The following AGBL1 variants were observed in gnomAD, a reference collection of about 807,000 sequenced individuals.
The protein encoded by AGBL1 is AGBL carboxypeptidase 1.
A neutral mutation model predicts 118.9 loss-of-function variants in AGBL1; 130 were observed. The observed-to-expected ratio is 1.09, with a 90% CI of 0.95 to 1.26. The LOEUF (loss-of-function observed/expected upper bound fraction) is 1.26. Among genes scored for constraint, AGBL1 ranks in the 50% most tolerant of loss-of-function variants. The pLI, the probability that AGBL1 is intolerant of heterozygous loss-of-function variation, is 0.00. For synonymous variants in AGBL1, 555 were observed against 478.9 expected, an observed-to-expected ratio of 1.16 and a Z score of -2.08; for missense variants, 1,584 against 1,298.1, an observed-to-expected ratio of 1.22 and a Z score of -3.38.
chr15:86,300,642 T>G (rs1175916907), intron 17 of AGBL1, among the ~76,000 whole-genome samples: 4 of 152,166 alleles, frequency 2.6e-5, no homozygotes, highest in Non-Finnish European at 5.9e-5. Flanking sequence ...AGCATAACCT[T>G]TCTATGTTTC....
At chr15:87,015,144 C>T (rs2081597086) in intron 24 of AGBL1, among the ~76,000 whole-genome samples, 1 of 152,156 alleles carries the variant, frequency 6.6e-6, no homozygotes, top group African/African-American at 2.4e-5. Flanking sequence ...AAGCTTTGAA[C>T]TCTGAAACCT....
intron 22 of AGBL1, among the ~76,000 whole-genome samples, chr15:86,863,686 T>C (rs545101948): frequency 1.3e-5 from 2 of 152,168 alleles, no homozygotes; most frequent in Non-Finnish European, 2.9e-5. Context: ...GTAGCAAGCA[T>C]TTCATATTGT....
At chr15:86,845,856 C>T (rs1439104425) in intron 22 of AGBL1, among the ~76,000 whole-genome samples, 1 of 151,962 alleles carries the variant, frequency 6.6e-6, no homozygotes, top group Non-Finnish European at 1.5e-5. Flanking sequence ...TCTCTCAATC[C>T]TCTCTCATAA....
intron 17 of AGBL1, among the ~76,000 whole-genome samples, chr15:86,380,961 C>G (rs2141960385): frequency 6.7e-6 from 1 of 149,818 alleles, no homozygotes; most frequent in East Asian, 2.0e-4. Flanking sequence ...TGTGTGTGTA[C>G]CAGTCACTGT....
At position 86,289,661 on chromosome 15, in the gene AGBL1, G is replaced by A. The variant is rs564034347; in HGVS notation, c.2221-5594G>A. 5.9e-5 allele frequency among the ~76,000 whole-genome samples: 9 copies of A among 152,028 alleles called. No individual in the cohort carries two copies. The South Asian group carries it at 6.3e-4, about 11-fold the overall frequency. ...CTTGGCTCATGGTACCTCCCTCCAC[G>A]TTCAAAGCCAAAAATTGCATGCCTC... On this transcript the variant is annotated intron_variant, in intron 16 of 22. Transcript: ENST00000614907.
At chr15:86,627,923 C>A (rs16977879) in intron 21 of AGBL1, among the ~76,000 whole-genome samples, 40,005 of 152,106 alleles carry the variant, frequency 0.26, 5,687 homozygotes, top group East Asian at 0.42. Context: ...AACACAGCGT[C>A]CTGCCCATCA....
chr15:86,984,823 G>A (rs979726672), intron 23 of AGBL1, among the ~76,000 whole-genome samples: 2 of 152,092 alleles, frequency 1.3e-5, no homozygotes, highest in African/African-American at 4.8e-5. Flanking sequence ...ACAGTGCAAT[G>A]AGTTTTGACA....
At chr15:86,781,027 T>C (rs1368214415) in intron 22 of AGBL1, among the ~76,000 whole-genome samples, 3 of 152,188 alleles carry the variant, frequency 2.0e-5, no homozygotes, top group African/African-American at 7.2e-5. Context: ...TTTTTATTAA[T>C]TTAATTTATT....
intron 18 of AGBL1, among the ~76,000 whole-genome samples, chr15:86,398,856 G>A (rs2081404597): frequency 6.6e-6 from 1 of 152,026 alleles, no homozygotes; most frequent in Non-Finnish European, 1.5e-5. Context: ...CCAGGTTAAA[G>A]GAAAGCAAAT....
chr15:86,581,925 T>C (rs1253924093), intron 21 of AGBL1, among the ~76,000 whole-genome samples: 4 of 152,180 alleles, frequency 2.6e-5, no homozygotes, highest in African/African-American at 9.7e-5. Context: ...TATGGATATA[T>C]GACAGGCATG....
rs141227307 is a variant in AGBL1 at position 86,122,053 on chromosome 15, A to C, written c.52-19951A>C. On this transcript the variant is annotated intron_variant, in intron 1 of 22. Coordinates refer to ENST00000614907, the MANE Select transcript of AGBL1 (RefSeq NM_001386094.1). ...ACAGCCCATCATACCTAATTACTAC[A>C]CACATTTGCGTTTGAATGTGCGCTC... 5.5e-3 allele frequency among the ~76,000 whole-genome samples: 830 copies of C among 152,242 alleles called. 8 individuals carry two copies. The highest frequency in any genetic ancestry group is 0.018 in the African/African-American group (762 of 41,528).
intron 18 of AGBL1, among the ~76,000 whole-genome samples, chr15:86,476,701 G>T (rs1253522867): frequency 5.3e-5 from 8 of 152,112 alleles, no homozygotes; most frequent in Non-Finnish European, 8.8e-5. Flanking sequence ...GGATATCCAG[G>T]AATTGAACTC....
chr15:86,245,631 G>A (rs1185396041), intron 6 of AGBL1, among the ~76,000 whole-genome samples: 2 of 152,158 alleles, frequency 1.3e-5, no homozygotes, highest in African/African-American at 2.4e-5. Context: ...TTCTTCCTCT[G>A]TTTTAAGTCC....
At chr15:86,844,798 A>T (rs1451414600) in intron 22 of AGBL1, among the ~76,000 whole-genome samples, 1 of 152,034 alleles carries the variant, frequency 6.6e-6, no homozygotes, top group African/African-American at 2.4e-5. Flanking sequence ...AAGTAATGAA[A>T]ATTTTGTCCT....
intron 24 of AGBL1, among the ~76,000 whole-genome samples, chr15:87,016,557 A>C (rs947559433): frequency 3.3e-5 from 5 of 152,232 alleles, no homozygotes; most frequent in Admixed American, 3.3e-4. Flanking sequence ...CAAGATGGCC[A>C]ATTAAAAGCA....
intron 23 of AGBL1, among the ~76,000 whole-genome samples, chr15:86,954,258 A>C (rs1055052959): frequency 6.6e-6 from 1 of 152,316 alleles, no homozygotes; most frequent in East Asian, 1.9e-4. Context: ...AGAGCTTAAA[A>C]TAGAGGTACC....
intron 17 of AGBL1, among the ~76,000 whole-genome samples, chr15:86,382,542 C>T (rs183259681): frequency 8.5e-5 from 13 of 152,066 alleles, no homozygotes; most frequent in East Asian, 3.9e-4. Flanking sequence ...ACGGCTTAAA[C>T]GTAAAAGGCC....
chr15:86,128,989 A>G (rs2076784495), intron 1 of AGBL1, among the ~76,000 whole-genome samples: 1 of 152,208 alleles, frequency 6.6e-6, no homozygotes. Context: ...GAAGCCAATC[A>G]TGGATAAATT....
intron 24 of AGBL1, among the ~76,000 whole-genome samples, chr15:87,018,935 A>C (rs2081634447): frequency 6.6e-6 from 1 of 152,128 alleles, no homozygotes; most frequent in Non-Finnish European, 1.5e-5. Flanking sequence ...AGGAAAATTT[A>C]CCAAATGGAA....
Sources: gnomAD v4.1 joint callset for allele counts (sites outside exome capture counted in the v4.1 genomes callset) on GRCh38, gnomAD v4.1.1 for gene constraint, MANE v1.5 for transcripts, NCBI Gene and HGNC (gene_info 2026-07-23, HGNC 2026-07-21) for gene names.